Variants in POLN observed in about 807,000 individuals in gnomAD.
POLN encodes the protein DNA polymerase nu.
POLN carries 108 observed loss-of-function variants against 113.5 expected under a neutral mutation model. The observed-to-expected ratio is 0.95, with a 90% CI of 0.81 to 1.12. The LOEUF (loss-of-function observed/expected upper bound fraction) is 1.12. Ranked by LOEUF, POLN falls within the 50% of genes most tolerant of loss-of-function variation. POLN has a pLI of 0.00. For synonymous variants in POLN, 386 were observed against 391.5 expected, an observed-to-expected ratio of 0.99 and a Z score of 0.17; for missense variants, 1,097 against 1,077.1, an observed-to-expected ratio of 1.02 and a Z score of -0.26.
chr4:2,195,920 T>G (rs193273043), intron 6 of POLN, among the ~76,000 whole-genome samples: 11 of 152,290 alleles, frequency 7.2e-5, no homozygotes, highest in Non-Finnish European at 1.2e-4. Context: ...ATTTAGATGA[T>G]CCTAATCAAT....
rs1459454471 is a variant in POLN, at chr4:2,220,555, G to A, written c.134-7429C>T. ...CTGACAGTCTGAATCTCGGCCTTGA[G>A]GGGAGAGACCCTGCTAAATTTGTCC... On this transcript the variant is annotated intron_variant, in intron 3 of 25. Coordinates refer to ENST00000511885, the MANE Select transcript of POLN (RefSeq NM_181808.4). Among the ~76,000 whole-genome samples the A allele has an allele frequency of 2.6e-5, 4 of 152,196 alleles. No homozygotes were observed. In the East Asian group the frequency reaches 5.8e-4, roughly 22 times the overall value.
rs1189985986 is a variant in POLN, at chr4:2,210,182, C to T, written c.214-1695G>A. Among the ~76,000 whole-genome samples the T allele has an allele frequency of 2.0e-5, 3 of 151,746 alleles. No homozygotes were observed. The East Asian group carries it at 5.8e-4, about 29-fold the overall frequency. ...GAGTAGGCTTTCAAGCATAAAATTA[C>T]ATTAAAAATTCCATGGAGGAGTAAA... On this transcript the variant is annotated intron_variant, in intron 4 of 25. Transcript: ENST00000511885.
At chr4:2,204,392 A>G (rs1192292205) in intron 5 of POLN, among the ~76,000 whole-genome samples, 1 of 152,206 alleles carries the variant, frequency 6.6e-6, no homozygotes, top group Non-Finnish European at 1.5e-5. Flanking sequence ...TTAAATCAGG[A>G]AGAATTAGAT....
intron 21 of POLN, among the ~76,000 whole-genome samples, chr4:2,084,533 G>A (rs1204681089): frequency 6.6e-6 from 1 of 152,148 alleles, no homozygotes; most frequent in Admixed American, 6.5e-5. Flanking sequence ...CTCCCCTTCC[G>A]GGCTAGTGTG....
At chr4:2,094,035 C>A (rs993661538) in intron 20 of POLN, among the ~76,000 whole-genome samples, 1 of 152,106 alleles carries the variant, frequency 6.6e-6, no homozygotes, top group African/African-American at 2.4e-5. Context: ...GAGACCACCT[C>A]CGGCTGACAG....
At chr4:2,123,348 G>T (rs920847799) in intron 19 of POLN, among the ~76,000 whole-genome samples, 1 of 151,086 alleles carries the variant, frequency 6.6e-6, no homozygotes, top group East Asian at 2.0e-4. Flanking sequence ...AAATTAGGCT[G>T]GGTGCAGTGG....
chr4:2,117,605 C>A (rs1731348150), intron 19 of POLN, among the ~76,000 whole-genome samples: 1 of 152,140 alleles, frequency 6.6e-6, no homozygotes, highest in Non-Finnish European at 1.5e-5. Context: ...GACAGGACAG[C>A]CACAATAAAC....
intron 11 of POLN, among the ~76,000 whole-genome samples, chr4:2,172,723 C>T (rs191587324): frequency 3.9e-5 from 6 of 152,318 alleles, no homozygotes; most frequent in Admixed American, 3.9e-4. Flanking sequence ...CGTATGCATT[C>T]TCATGGGTGA....
chr4:2,188,334 C>T (rs1018603976), intron 7 of POLN, among the ~76,000 whole-genome samples: 1 of 152,242 alleles, frequency 6.6e-6, no homozygotes, highest in Non-Finnish European at 1.5e-5. Flanking sequence ...GGCGCAGTGG[C>T]TCACGCCTGT....
Position 2,173,958 on chromosome 4 carries a change from A to C in POLN, c.1371T>G (p.Leu457=), listed in dbSNP as rs1248036113. Residue 457 remains leucine (L), a synonymous_variant, in exon 11 of 26, where the codon CTT becomes CTG. Transcript: ENST00000511885. ...KEEMEKTSAL[L]GARLKELEQE... ...ACCATCTGGAATAATAACTTACCCC[A>C]AGAAGTGCTGACGTCTTCTCCATCT... 3 of 1,614,140 alleles carry C rather than the reference A, an allele frequency of 1.9e-6. No homozygotes were observed. The highest frequency in any genetic ancestry group is 2.5e-6 in the Non-Finnish European group (3 of 1,179,962).
chr4:2,163,787 T>C (rs148991246), intron 13 of POLN, among the ~76,000 whole-genome samples: 1 of 152,366 alleles, frequency 6.6e-6, no homozygotes, highest in East Asian at 1.9e-4. Flanking sequence ...AGGGCGACTT[T>C]AGTAAAAATC....
chr4:2,229,361 A>C (rs1284603117), intron 2 of POLN, 118 bp from the exon 3 acceptor site: 2 of 856,000 alleles, frequency 2.3e-6, no homozygotes, highest in African/African-American at 1.8e-5. Flanking sequence ...GTCTATATTC[A>C]TAACCACAGA....
chr4:2,208,143 A>G lies in POLN; in HGVS notation c.558T>C (p.Asn186=). Reference sequence around the variant, plus strand: ...TTTTCAATGCTCCTGAGTTCCCAGAATTTAGGTAGCCTTCGGCGTCATCAG... The same window carrying G: ...TTTTCAATGCTCCTGAGTTCCCAGAGTTTAGGTAGCCTTCGGCGTCATCAG... ...EDTDDAEGYL[N]SGNSGALKKH... The change falls in exon 5 of 26, where the codon AAT becomes AAC. Residue 186 remains asparagine (N), a synonymous_variant. Coordinates refer to ENST00000511885, the MANE Select transcript of POLN (RefSeq NM_181808.4). 1 of 1,614,192 alleles carries G rather than the reference A, an allele frequency of 6.2e-7. No homozygotes were observed. The highest frequency in any genetic ancestry group is 1.1e-5 in the South Asian group (1 of 91,082).
chr4:2,191,971 C>T lies in POLN; in HGVS notation c.1021+1233G>A, dbSNP rs148467870. On this transcript the variant is annotated intron_variant, in intron 7 of 25. Coordinates refer to ENST00000511885, the MANE Select transcript of POLN (RefSeq NM_181808.4). ...CTACTAAAAATACAAAAATTAGCCACTCATGGTGGCGCACACCTGTAGTCC... is the reference window on the plus strand; with the variant it reads ...CTACTAAAAATACAAAAATTAGCCATTCATGGTGGCGCACACCTGTAGTCC... Among the ~76,000 whole-genome samples the T allele has an allele frequency of 8.6e-4, 130 of 151,988 alleles. No individual in the cohort carries two copies. The East Asian group carries it at 0.024, about 28-fold the overall frequency.
At chr4:2,116,590 A>T (rs1374605009) in intron 19 of POLN, among the ~76,000 whole-genome samples, 1 of 152,112 alleles carries the variant, frequency 6.6e-6, no homozygotes, top group African/African-American at 2.4e-5. Flanking sequence ...AGAACATCTA[A>T]TCTAGTATAG....
intron 19 of POLN, among the ~76,000 whole-genome samples, chr4:2,116,616 C>A (rs1731324728): frequency 6.6e-6 from 1 of 151,256 alleles, no homozygotes; most frequent in African/African-American, 2.4e-5. Context: ...GGTGTGCATA[C>A]AGAGAAAGAT....
At chr4:2,102,127 G>A (rs527903272) in intron 19 of POLN, among the ~76,000 whole-genome samples, 1 of 152,228 alleles carries the variant, frequency 6.6e-6, no homozygotes, top group South Asian at 2.1e-4. Context: ...TTCACCAGGG[G>A]CCTGGGGATT....
intron 13 of POLN, among the ~76,000 whole-genome samples, chr4:2,167,340 G>GA (rs1260783564): frequency 1.3e-5 from 2 of 151,840 alleles, no homozygotes; most frequent in Non-Finnish European, 2.9e-5. Context: ...CTTCACTGCA[G>GA]AAAAAAAACA....
intron 16 of POLN, among the ~76,000 whole-genome samples, chr4:2,144,855 T>G (rs1025013792): frequency 2.0e-5 from 3 of 152,192 alleles, no homozygotes; most frequent in Admixed American, 6.5e-5. Flanking sequence ...AGGCAATCCC[T>G]AGCAACGGAA....
Sources: gnomAD v4.1 joint callset for allele counts (sites outside exome capture counted in the v4.1 genomes callset) on GRCh38, gnomAD v4.1.1 for gene constraint, MANE v1.5 for transcripts, NCBI Gene and HGNC (gene_info 2026-07-23, HGNC 2026-07-21) for gene names.